TGFBI: variants seen among roughly 807,000 people sequenced by gnomAD.
TGFBI encodes the protein transforming growth factor beta induced.
In TGFBI, 50 loss-of-function variants were observed where a neutral mutation model predicts 73.7. The observed-to-expected ratio is 0.68, with a 90% confidence interval of 0.54 to 0.86. TGFBI has a LOEUF of 0.86. Among genes scored for constraint, TGFBI ranks in the 40% least tolerant of loss-of-function variants. The pLI, the probability that TGFBI is intolerant of heterozygous loss-of-function variation, is 0.00. For missense variants in TGFBI, 839 were observed against 877.0 expected (o/e 0.96, Z 0.55); for synonymous variants, 362 against 360.5 (o/e 1.00, Z -0.05).
intron 11 of TGFBI, chr5:136,056,312 A>G: frequency 4.0e-6 from 1 of 249,104 alleles, no homozygotes; most frequent in Non-Finnish European, 7.7e-6. Context: ...CACCTGCACA[A>G]GGGCTTGGAG....
In TGFBI at chr5:136,047,506, G is replaced by A. The variant is rs118169939; in HGVS notation, c.771+86G>A. ...TAGCAGGAACTCTTCTGCAGGAGAG[G>A]TAGAGGATGGCTCCTGTAGGGGAAC... On this transcript the variant is annotated intron_variant, in intron 6 of 16. Transcript: ENST00000442011. 23 of 1,528,940 alleles carry A rather than the reference G, an allele frequency of 1.5e-5. No individual in the cohort carries two copies. In the East Asian group the frequency reaches 5.2e-4, roughly 35 times the overall value. The allele number at this position is 1,528,940 out of a possible 1,614,324, so 94.7% of individuals were successfully genotyped here.
chr5:136,029,035 C>G lies in TGFBI; in HGVS notation c.-21C>G. 2.6e-6 allele frequency: 4 copies of G among 1,517,808 alleles called. No homozygotes were observed. Among genetic ancestry groups the G allele is most frequent in the Non-Finnish European group, 2.6e-6 (3 of 1,139,966 alleles). 94.0% of individuals were successfully genotyped at this position (1,517,808 alleles called of 1,614,324 possible). A position where few individuals can be genotyped will look rare whatever the true frequency, so the allele number is the denominator to read the frequency against. ...CTTGCCCGTCGGTCGCTAGCTCGCT[C>G]GGTGCGCGTCGTCCCGCTCCATGGC... is the stretch of plus-strand genomic sequence containing the variant. On this transcript the variant is annotated 5_prime_UTR_variant, in exon 1 of 17. Transcript: ENST00000442011.
intron 15 of TGFBI, 152 bp downstream of exon 15, chr5:136,061,731 C>T (rs1751752657): frequency 1.4e-6 from 1 of 705,498 alleles, no homozygotes; most frequent in South Asian, 1.5e-5. Flanking sequence ...TCCTCAGCCC[C>T]AGCCTGTGTC....
At chr5:136,055,016 T>A in intron 10 of TGFBI, 155 bp downstream of exon 10, 1 of 906,802 alleles carries the variant, frequency 1.1e-6, no homozygotes. Flanking sequence ...GATAACAAAA[T>A]GAGATCCTGC....
At chr5:136,062,767 G>A (rs1751771414) in intron 16 of TGFBI, 80 bp downstream of exon 16, 13 of 1,429,054 alleles carry the variant, frequency 9.1e-6, no homozygotes, top group Non-Finnish European at 1.2e-5. Context: ...GCCATCTGCT[G>A]TATATAGATA....
At chr5:136,056,461 T>G in intron 11 of TGFBI, 1 of 601,532 alleles carries the variant, frequency 1.7e-6, no homozygotes. Flanking sequence ...CTTAGCATTT[T>G]TGCTGGGTGG....
rs1751615805 is a variant in TGFBI, at chr5:136,055,663, G to T, written c.1411-17G>T. On this transcript the variant is annotated splice_polypyrimidine_tract_variant and intron_variant, in intron 10 of 16. Transcript: ENST00000442011. Reference sequence around the variant, plus strand: ...AGTATAACCAGTCCTTTCTTTCTCTGTCCCTCTTCTGTGCAGAGCCTCTGC... The same window carrying T: ...AGTATAACCAGTCCTTTCTTTCTCTTTCCCTCTTCTGTGCAGAGCCTCTGC... 6.4e-7 allele frequency: 1 copy of T among 1,573,188 alleles called. No individual in the cohort carries two copies.
rs530791523 is a variant in TGFBI, at chr5:136,063,385, A to T, written c.*159A>T. On this transcript the variant is annotated 3_prime_UTR_variant, in exon 17 of 17. Coordinates refer to ENST00000442011, the MANE Select transcript of TGFBI (RefSeq NM_000358.3). ...GTGAGCCTTGTGCATGTGGGGGAGG[A>T]GGGAGAGAGATGTACTTTTTAAATC... The T allele has an allele frequency of 1.5e-6, 1 of 663,420 alleles. No homozygotes were observed. Among genetic ancestry groups the T allele is most frequent in the South Asian group, 1.9e-5 (1 of 53,612 alleles). The allele number at this position is 663,420 out of a possible 1,614,324, so 41.1% of individuals were successfully genotyped here.
Position 136,061,218 on chromosome 5 carries a change from G to C in TGFBI, c.1906+282G>C, listed in dbSNP as rs45604642. 1.6e-5 allele frequency: 9 copies of C among 571,882 alleles called. No homozygotes were observed. In the Admixed American group the frequency reaches 2.7e-4, roughly 17 times the overall value. The allele number at this position is 571,882 out of a possible 1,614,324, so 35.4% of individuals were successfully genotyped here. On this transcript the variant is annotated intron_variant, in intron 14 of 16. Coordinates refer to ENST00000442011, the MANE Select transcript of TGFBI (RefSeq NM_000358.3). ...CTGTATTCGCGTGGATGCTGTCCGC[G>C]CGATTCCCAGCACTCCTCTTACAGC... is the stretch of plus-strand genomic sequence containing the variant.
chr5:136,037,526 G>A (rs185815020), intron 2 of TGFBI, among the ~76,000 whole-genome samples: 182 of 152,294 alleles, frequency 1.2e-3, no homozygotes, highest in African/African-American at 4.1e-3. Context: ...TGACATCATG[G>A]GACTGGAATA....
rs768741496 is a variant in TGFBI, at chr5:136,046,332, C to T, written c.299-3C>T. On this transcript the variant is annotated splice_region_variant and splice_polypyrimidine_tract_variant and intron_variant, in intron 3 of 16. Transcript: ENST00000442011. ...TCCCTCCTTCTGTCTTCTGCTCCTG[C>T]AGCCCTACCACTCTCAAACCTTTAC... 1 of 1,613,880 alleles carries T rather than the reference C, an allele frequency of 6.2e-7. No individual in the cohort carries two copies. The highest frequency in any genetic ancestry group is 1.1e-5 in the South Asian group (1 of 91,070).
chr5:136,032,234 T>C (rs1431906848), intron 1 of TGFBI, among the ~76,000 whole-genome samples: 1 of 152,116 alleles, frequency 6.6e-6, no homozygotes, highest in Non-Finnish European at 1.5e-5. Flanking sequence ...TGTGGTCCCT[T>C]CTCCAGCCTT....
At position 136,053,075 on chromosome 5, in the gene TGFBI, A is replaced by G. The variant is rs1283548556; in HGVS notation, c.1082A>G (p.Asn361Ser). 3.7e-6 allele frequency: 6 copies of G among 1,613,896 alleles called. No individual in the cohort carries two copies. The highest frequency in any genetic ancestry group is 3.4e-6 in the Non-Finnish European group (4 of 1,179,892). ...IISNKDILATNGVIHYIDELL... is the reference protein window; with the variant it reads ...IISNKDILATSGVIHYIDELL... ...TCCAATAAAGACATCCTAGCCACCA[A>G]CGGGGTGATCCACTACATTGATGAG... Residue 361 changes from asparagine to serine, a missense_variant, in exon 8 of 17, where the codon AAC (asparagine) becomes AGC (serine). Physicochemically the swap from Asn to Ser is conservative, Grantham distance 46. Transcript: ENST00000442011.
In TGFBI at chr5:136,063,374, T is replaced by G. The variant is rs1012754486; in HGVS notation, c.*148T>G. 2 of 715,232 alleles carry G rather than the reference T, an allele frequency of 2.8e-6. No homozygotes were observed. Among genetic ancestry groups the G allele is most frequent in the African/African-American group, 1.8e-5 (1 of 56,974 alleles). 44.3% of individuals were successfully genotyped at this position (715,232 alleles called of 1,614,324 possible). A position where few individuals can be genotyped will look rare whatever the true frequency, so the allele number is the denominator to read the frequency against. On this transcript the variant is annotated 3_prime_UTR_variant, in exon 17 of 17. Transcript: ENST00000442011. ...CATAATGAGATGTGAGCCTTGTGCA[T>G]GTGGGGGAGGAGGGAGAGAGATGTA...
At chr5:136,030,233 C>G (rs959894177) in intron 1 of TGFBI, among the ~76,000 whole-genome samples, 1 of 152,152 alleles carries the variant, frequency 6.6e-6, no homozygotes, top group African/African-American at 2.4e-5. Flanking sequence ...CAAGCAATGC[C>G]CAAACCTCCA....
chr5:136,056,426 T>A, intron 11 of TGFBI: 1 of 498,270 alleles, frequency 2.0e-6, no homozygotes, highest in Non-Finnish European at 3.6e-6. Flanking sequence ...TCCTGTGGCC[T>A]CTGACGTCTG....
At chr5:136,033,992 G>A (rs1043149662) in intron 2 of TGFBI, 131 bp downstream of exon 2, 2 of 768,222 alleles carry the variant, frequency 2.6e-6, no homozygotes, top group African/African-American at 3.4e-5. Context: ...AACATGTCTG[G>A]GACCTGCGTG....
rs754364652 is a variant in TGFBI at position 136,052,992 on chromosome 5, G to A, written c.999G>A (p.Thr333=). 8.7e-6 allele frequency: 14 copies of A among 1,613,914 alleles called. No homozygotes were observed. The highest frequency in any genetic ancestry group is 1.6e-4 in the Middle Eastern group (1 of 6,084). ...AGLSVETLEG[T]TLEVGCSGDM... ...TGTCTGTAGAGACCCTGGAGGGCAC[G>A]ACACTGGAGGTGGGCTGCAGCGGGG... The change falls in exon 8 of 17, where the codon ACG becomes ACA. Residue 333 remains threonine (T), a synonymous_variant. Coordinates refer to ENST00000442011, the MANE Select transcript of TGFBI (RefSeq NM_000358.3).
At chr5:136,029,730 A>G (rs1365314255) in intron 1 of TGFBI, among the ~76,000 whole-genome samples, 1 of 152,202 alleles carries the variant, frequency 6.6e-6, no homozygotes, top group Non-Finnish European at 1.5e-5. Context: ...CTCTCTGGGT[A>G]CAGCAAGGGC....
Sources: allele counts gnomAD v4.1 joint callset (sites outside exome capture counted in the v4.1 genomes callset), GRCh38; gene constraint gnomAD v4.1.1; transcripts MANE v1.5; gene names NCBI Gene and HGNC (gene_info 2026-07-23, HGNC 2026-07-21).